STX5: variants seen among roughly 807,000 people sequenced by gnomAD.
STX5 encodes syntaxin-5.
Under a neutral mutation model 42.9 loss-of-function variants are expected in STX5, and 15 were observed. The observed-to-expected ratio is 0.35, with a 90% CI of 0.23 to 0.54. The LOEUF (loss-of-function observed/expected upper bound fraction) is 0.54, where lower values mean the gene tolerates loss of function less well. Among genes scored for constraint, STX5 ranks in the 20% least tolerant of loss-of-function variants. STX5 has a pLI of 0.91. For synonymous variants in STX5, 184 were observed against 173.2 expected, an observed-to-expected ratio of 1.06 and a Z score of -0.49; for missense variants, 430 against 455.0, an observed-to-expected ratio of 0.95 and a Z score of 0.50.
At position 62,827,353 on chromosome 11, in the gene STX5, C is replaced by T. The variant is rs557099455; in HGVS notation, c.342G>A (p.Lys114=). Residue 114 remains lysine, a synonymous_variant, in exon 4 of 11, where the codon AAG becomes AAA. Coordinates refer to ENST00000294179, the MANE Select transcript of STX5 (RefSeq NM_003164.5). ...CCCAAGAACACTCACAGATTGTCAG[C>T]TTCTCCAGCTTGGCAAATGTGTTGC... is the stretch of plus-strand genomic sequence containing the variant. The part of the protein sequence containing the change: ...DLSNTFAKLE[K]LTILAKRKSL... 1.3e-5 allele frequency: 21 copies of T among 1,614,218 alleles called. No homozygotes were observed. In the African/African-American group the frequency reaches 2.5e-4, roughly 19 times the overall value.
intron 10 of STX5, among the ~76,000 whole-genome samples, chr11:62,821,654 G>A (rs1449856391): frequency 1.5e-4 from 23 of 151,982 alleles, no homozygotes; most frequent in Admixed American, 1.4e-3. Context: ...AACTCGGAGG[G>A]TGCAGTGAGG....
chr11:62,811,023 ATTC>A (rs1232830195), intron 10 of STX5, among the ~76,000 whole-genome samples: 1 of 152,094 alleles, frequency 6.6e-6, no homozygotes, highest in African/African-American at 2.4e-5. Context: ...ACTCCTTAAA[ATTC>A]TTCTATCCCA....
At chr11:62,812,851 G>A (rs942286706) in intron 10 of STX5, among the ~76,000 whole-genome samples, 3 of 151,840 alleles carry the variant, frequency 2.0e-5, no homozygotes, top group African/African-American at 7.2e-5. Flanking sequence ...GGTGGCTCAC[G>A]CCTGTAATCC....
intron 10 of STX5, among the ~76,000 whole-genome samples, chr11:62,821,990 C>CA (rs1267972883): frequency 3.9e-5 from 6 of 152,084 alleles, no homozygotes; most frequent in Admixed American, 2.0e-4. Flanking sequence ...TCTGCCACTG[C>CA]ACTCCAGCCT....
At chr11:62,827,010 A>T in intron 5 of STX5, 145 bp downstream of exon 5, 1 of 684,554 alleles carries the variant, frequency 1.5e-6, no homozygotes, top group Admixed American at 2.7e-5. Context: ...AGGTCACACC[A>T]CTACACTCCA....
In STX5 at chr11:62,825,504, G is replaced by C. The variant is rs771758061; in HGVS notation, c.459C>G (p.Leu153=). The change falls in exon 6 of 11, where the codon CTC becomes CTG. Residue 153 remains leucine (L), a synonymous_variant. Transcript: ENST00000294179. ...TGCCCTTGGCTCTCACGAAATCCTG[G>C]AGCTGAGCAATTTGTTTGTTGAGGC... The part of the protein sequence containing the change: ...INSLNKQIAQ[L]QDFVRAKGSQ... 3.1e-6 allele frequency: 5 copies of C among 1,613,892 alleles called. No individual in the cohort carries two copies. In the South Asian group the frequency reaches 5.5e-5, roughly 18 times the overall value.
At chr11:62,815,043 C>T (rs1290944916) in intron 10 of STX5, among the ~76,000 whole-genome samples, 3 of 151,084 alleles carry the variant, frequency 2.0e-5, no homozygotes, top group Non-Finnish European at 4.4e-5. Flanking sequence ...GAGTCTTGCT[C>T]TCTTGCCAGG....
intron 10 of STX5, among the ~76,000 whole-genome samples, chr11:62,816,893 C>A (rs2084679982): frequency 6.6e-6 from 1 of 150,952 alleles, no homozygotes; most frequent in Non-Finnish European, 1.5e-5. Flanking sequence ...GACTCTGTCT[C>A]AAAAAAAAGA....
chr11:62,824,796 G>A (rs895089137), intron 8 of STX5, among the ~76,000 whole-genome samples: 5 of 151,756 alleles, frequency 3.3e-5, no homozygotes, highest in East Asian at 3.9e-4. Flanking sequence ...TAAAGTGTAC[G>A]AAAAAAAATT....
chr11:62,807,521 A>G lies in STX5; in HGVS notation c.1016T>C (p.Ile339Thr), dbSNP rs1200270151. ...GAAGAAGACAATGAGGATGAGGAAGATTTTGACCATGAGCCACCGGTTGGA... is the reference window on the plus strand; with the variant it reads ...GAAGAAGACAATGAGGATGAGGAAGGTTTTGACCATGAGCCACCGGTTGGA... ...VTSNRWLMVK[I>T]FLILIVFFII... is the part of the protein sequence containing the mutation. Residue 339 changes from isoleucine (I) to threonine (T), a missense_variant, in exon 11 of 11, where the codon ATC becomes ACC. Coordinates refer to ENST00000294179, the MANE Select transcript of STX5 (RefSeq NM_003164.5). 1 of 1,614,022 alleles carries G rather than the reference A, an allele frequency of 6.2e-7. No homozygotes were observed. Among genetic ancestry groups the G allele is most frequent in the Non-Finnish European group, 8.5e-7 (1 of 1,180,026 alleles).
At chr11:62,820,352 G>A (rs1378539083) in intron 10 of STX5, among the ~76,000 whole-genome samples, 3 of 148,984 alleles carry the variant, frequency 2.0e-5, no homozygotes, top group Non-Finnish European at 3.0e-5. Context: ...CTGGTAACAC[G>A]ACGAGACTCT....
intron 2 of STX5, 143 bp downstream of exon 2, chr11:62,830,876 A>C: frequency 1.2e-6 from 1 of 815,418 alleles, no homozygotes; most frequent in Non-Finnish European, 2.1e-6. Flanking sequence ...TCTGTTGCTT[A>C]TAGCAGACCC....
intron 1 of STX5, 76 bp from the exon 2 acceptor site, chr11:62,831,338 A>C: frequency 2.6e-5 from 28 of 1,066,146 alleles, no homozygotes; most frequent in Non-Finnish European, 3.4e-5. Context: ...CAATCAACAA[A>C]TCCCCGAGCC....
At chr11:62,820,742 C>T (rs947051585) in intron 10 of STX5, among the ~76,000 whole-genome samples, 2 of 151,690 alleles carry the variant, frequency 1.3e-5, no homozygotes, top group Non-Finnish European at 2.9e-5. Context: ...GATCTCCTGA[C>T]CTCATGATCC....
intron 10 of STX5, among the ~76,000 whole-genome samples, chr11:62,818,113 C>T (rs778424168): frequency 4.0e-5 from 6 of 151,878 alleles, no homozygotes; most frequent in South Asian, 2.1e-4. Context: ...GGCGTGGTGG[C>T]GGGCACCTGT....
At chr11:62,823,913 G>T in intron 10 of STX5, 1 of 503,480 alleles carries the variant, frequency 2.0e-6, no homozygotes, top group East Asian at 3.7e-5. Context: ...ACTTACACAT[G>T]CTACAAAGCA....
intron 3 of STX5, 56 bp from the exon 4 acceptor site, chr11:62,827,454 A>G: frequency 6.2e-7 from 1 of 1,613,292 alleles, no homozygotes. Context: ...TTTCCCACAT[A>G]AGCTCCAGCA....
intron 9 of STX5, 83 bp from the exon 10 acceptor site, chr11:62,824,370 A>T: frequency 6.2e-7 from 1 of 1,612,642 alleles, no homozygotes; most frequent in Non-Finnish European, 8.5e-7. Context: ...CCAGCTTGCC[A>T]TTCTGCCCAT....
At chr11:62,807,823 A>C in intron 10 of STX5, 195 bp from the exon 11 acceptor site, 1 of 1,007,172 alleles carries the variant, frequency 9.9e-7, no homozygotes, top group Non-Finnish European at 1.4e-6. Flanking sequence ...GCCATTTATT[A>C]GCTTAAGACT....
Sources: gnomAD v4.1 joint callset for allele counts (sites outside exome capture counted in the v4.1 genomes callset) on GRCh38, gnomAD v4.1.1 for gene constraint, MANE v1.5 for transcripts, NCBI Gene and HGNC (gene_info 2026-07-23, HGNC 2026-07-21) for gene names.